Variants in SOAT2 observed in about 807,000 individuals in gnomAD.
SOAT2 encodes the protein ACAT-2.
A neutral mutation model predicts 76.0 loss-of-function variants in SOAT2; 87 were observed. The ratio of observed to expected loss-of-function variants is 1.14; its 90% CI spans 0.96 to 1.37. The LOEUF is 1.37. Ranked by LOEUF, SOAT2 falls within the 40% of genes most tolerant of loss-of-function variation. The pLI is 0.00. For missense variants in SOAT2, 686 were observed against 682.1 expected (o/e 1.01, Z -0.06); for synonymous variants, 285 against 275.4 (o/e 1.03, Z -0.34).
rs1161385852 is a variant in SOAT2 at position 53,123,866 on chromosome 12, T to A, written c.1511T>A (p.Leu504Ter). The change falls in exon 14 of 15, where the codon TTA becomes TAA. Residue 504 changes from leucine to a stop codon, truncating the protein, a stop_gained. Coordinates refer to ENST00000301466, the MANE Select transcript of SOAT2 (RefSeq NM_003578.4). LOFTEE classifies it high-confidence loss of function. Reference protein sequence around the residue: ...QEWYARRHCPLPQATFWGLVT... With the variant: ...QEWYARRHCP ...TGGTACGCACGGCGGCACTGCCCCT[T>A]ACCCCAGGTAAGAGACCACAACCCT... 1.2e-6 allele frequency: 2 copies of A among 1,614,096 alleles called. No homozygotes were observed. The highest frequency in any genetic ancestry group is 3.3e-5 in the Admixed American group (2 of 60,014).
chr12:53,119,180 CTT>C lies in SOAT2; in HGVS notation c.968_969del (p.Phe323CysfsTer77). ...FILGRLCVPV[F>X]ANMSREPFST... The stretch of plus-strand genomic sequence containing the variant: ...TCCTGGGCCGCCTCTGTGTTCCTGT[CTT>C]TGCCAACATGAGCCGAGAGCCCTTC... On this transcript the variant is annotated frameshift_variant, in exon 10 of 15. Transcript: ENST00000301466. LOFTEE classifies it high-confidence loss of function. 1.2e-6 allele frequency: 2 copies of C among 1,613,882 alleles called. No individual in the cohort carries two copies. The highest frequency in any genetic ancestry group is 1.7e-6 in the Non-Finnish European group (2 of 1,179,954).
chr12:53,105,704 C>A, intron 4 of SOAT2, 84 bp downstream of exon 4: 3 of 1,292,614 alleles, frequency 2.3e-6, no homozygotes, highest in Non-Finnish European at 2.2e-6. Context: ...CATCCCCAGC[C>A]TCTAGGTGGT....
intron 2 of SOAT2, among the ~76,000 whole-genome samples, chr12:53,104,493 T>G (rs1431448661): frequency 1.3e-5 from 2 of 151,918 alleles, no homozygotes; most frequent in African/African-American, 2.4e-5. Context: ...AGGCTGGTCT[T>G]GAACTCCTGA....
intron 5 of SOAT2, among the ~76,000 whole-genome samples, chr12:53,109,416 C>A (rs988846639): frequency 6.6e-6 from 1 of 151,992 alleles, no homozygotes; most frequent in African/African-American, 2.4e-5. Context: ...ATTTTTGGTA[C>A]CAAATAAGCC....
chr12:53,105,843 C>A, intron 4 of SOAT2, 64 bp from the exon 5 acceptor site: 1 of 945,602 alleles, frequency 1.1e-6, no homozygotes, highest in South Asian at 1.5e-5. Context: ...TGTACAGTGT[C>A]TGAGCTAGTT....
intron 5 of SOAT2, among the ~76,000 whole-genome samples, chr12:53,109,112 C>A (rs1250365690): frequency 6.6e-6 from 1 of 152,168 alleles, no homozygotes; most frequent in African/African-American, 2.4e-5. Context: ...TGGCGCATGC[C>A]TGTAGTCCTA....
intron 13 of SOAT2, among the ~76,000 whole-genome samples, chr12:53,123,445 A>G (rs566659219): frequency 2.0e-5 from 3 of 152,140 alleles, no homozygotes; most frequent in Non-Finnish European, 2.9e-5. Context: ...TTCTGGTTGG[A>G]GAGGAATATT....
chr12:53,122,020 C>G (rs545147303), intron 12 of SOAT2, among the ~76,000 whole-genome samples: 34 of 151,596 alleles, frequency 2.2e-4, no homozygotes, highest in African/African-American at 7.7e-4. Flanking sequence ...ATTGGCCAGG[C>G]TGGTCTTGAA....
At position 53,121,320 on chromosome 12, in the gene SOAT2, G is replaced by A. The variant is rs539507148; in HGVS notation, c.1155G>A (p.Thr385=). Reference sequence around the variant, plus strand: ...TTCTCCAGGACTGGTGGAACTCAACGTCCTTCTCCAACTACTACCGCACTT... The same window carrying A: ...TTCTCCAGGACTGGTGGAACTCAACATCCTTCTCCAACTACTACCGCACTT... ...RMFYRDWWNS[T]SFSNYYRTWN... is the part of the protein sequence containing the mutation. Residue 385 remains threonine, a synonymous_variant, in exon 12 of 15, where the codon ACG becomes ACA. Coordinates refer to ENST00000301466, the MANE Select transcript of SOAT2 (RefSeq NM_003578.4). 1.5e-5 allele frequency: 24 copies of A among 1,614,040 alleles called. No individual in the cohort carries two copies. The highest frequency in any genetic ancestry group is 2.2e-5 in the East Asian group (1 of 44,882).
chr12:53,120,605 G>A (rs1938175966), intron 10 of SOAT2, among the ~76,000 whole-genome samples, 181 bp from the exon 11 acceptor site: 1 of 148,704 alleles, frequency 6.7e-6, no homozygotes, highest in Non-Finnish European at 1.5e-5. Flanking sequence ...CACCACTGCA[G>A]TCCAGCCTGT....
intron 5 of SOAT2, among the ~76,000 whole-genome samples, chr12:53,110,914 A>G (rs952634290): frequency 1.3e-5 from 2 of 151,780 alleles, no homozygotes; most frequent in African/African-American, 4.8e-5. Flanking sequence ...TATAACCTTT[A>G]AGGTTTGAAT....
intron 13 of SOAT2, 41 bp downstream of exon 13, chr12:53,123,257 G>A (rs755433083): frequency 4.3e-6 from 7 of 1,611,096 alleles, no homozygotes; most frequent in Non-Finnish European, 5.1e-6. Flanking sequence ...GCCATCCAGA[G>A]GGAGGCCTGC....
At chr12:53,121,861 G>C (rs142798707) in intron 12 of SOAT2, among the ~76,000 whole-genome samples, 1 of 132,244 alleles carries the variant, frequency 7.6e-6, no homozygotes. Context: ...GGCTGGAGTA[G>C]AGTGGCACGA....
In SOAT2 at chr12:53,105,888, C is replaced by T. The variant is rs200323228; in HGVS notation, c.336-19C>T. The stretch of plus-strand genomic sequence containing the variant: ...CTGAGGACCCTCCCACACTGACTTT[C>T]GGGCCCCTGTCCCTCTAGTGAGCTG... On this transcript the variant is annotated intron_variant, in intron 4 of 14. Transcript: ENST00000301466. 3.6e-5 allele frequency: 50 copies of T among 1,394,464 alleles called. No homozygotes were observed. The Middle Eastern group carries it at 9.7e-4, about 27-fold the overall frequency. The allele number at this position is 1,394,464 out of a possible 1,614,324, so 86.4% of individuals were successfully genotyped here.
At chr12:53,121,643 C>T (rs56009206) in intron 12 of SOAT2, among the ~76,000 whole-genome samples, 28,804 of 151,992 alleles carry the variant, frequency 0.19, 3,442 homozygotes, top group African/African-American at 0.34. Flanking sequence ...CATTGTTTCC[C>T]ACCTTAGCCT....
At chr12:53,120,276 TGG>T (rs1340194028) in intron 10 of SOAT2, among the ~76,000 whole-genome samples, 5 of 152,132 alleles carry the variant, frequency 3.3e-5, no homozygotes, top group African/African-American at 1.2e-4. Context: ...AAGACCATCC[TGG>T]CTAACACGGT....
At chr12:53,104,631 G>A (rs1168864628) in intron 2 of SOAT2, among the ~76,000 whole-genome samples, 1 of 152,144 alleles carries the variant, frequency 6.6e-6, no homozygotes, top group Middle Eastern at 3.2e-3. Context: ...AGATGGAGGG[G>A]TTTGAAGCAC....
chr12:53,122,536 T>C (rs905945621), intron 12 of SOAT2, among the ~76,000 whole-genome samples: 4 of 151,612 alleles, frequency 2.6e-5, no homozygotes, highest in African/African-American at 9.7e-5. Context: ...TGATGACTCT[T>C]AACCAGCATG....
chr12:53,121,502 C>A (rs1222925199), intron 12 of SOAT2, 101 bp downstream of exon 12: 2 of 837,154 alleles, frequency 2.4e-6, no homozygotes, highest in African/African-American at 1.7e-5. Flanking sequence ...ACACCACTCA[C>A]CTAAGGGCCT....
Sources: gnomAD v4.1 joint callset for allele counts (sites outside exome capture counted in the v4.1 genomes callset) on GRCh38, gnomAD v4.1.1 for gene constraint, MANE v1.5 for transcripts, NCBI Gene and HGNC (gene_info 2026-07-23, HGNC 2026-07-21) for gene names.